KCNN2: variants seen among roughly 807,000 people sequenced by gnomAD.
The protein encoded by KCNN2 is potassium calcium-activated channel subfamily N member 2.
A neutral mutation model predicts 55.5 loss-of-function variants in KCNN2; 24 were observed. The ratio of observed to expected loss-of-function variants is 0.43; its 90% CI spans 0.31 to 0.61. KCNN2 has a LOEUF of 0.61. KCNN2 is among the 20% of genes least tolerant of loss of function. The pLI is 0.08. For missense variants in KCNN2, 754 were observed against 853.6 expected, an observed-to-expected ratio of 0.88 and a Z score of 1.45; for synonymous variants, 431 against 336.1, an observed-to-expected ratio of 1.28 and a Z score of -3.09.
At chr5:114,364,452 A>C (rs960627929) in intron 2 of KCNN2, among the ~76,000 whole-genome samples, 1 of 152,162 alleles carries the variant, frequency 6.6e-6, no homozygotes, top group Non-Finnish European at 1.5e-5. Context: ...ATGAGTTGCC[A>C]GCTAATTTAT....
At chr5:114,312,242 C>T (rs959655961) in intron 2 of KCNN2, among the ~76,000 whole-genome samples, 1 of 151,558 alleles carries the variant, frequency 6.6e-6, no homozygotes, top group Admixed American at 6.6e-5. Flanking sequence ...CTTCCTGCTG[C>T]TGGCTTTTTG....
At chr5:114,227,641 T>C (rs1240823239) in intron 2 of KCNN2, among the ~76,000 whole-genome samples, 2 of 152,322 alleles carry the variant, frequency 1.3e-5, no homozygotes, top group East Asian at 1.9e-4. Context: ...ATAAGTACCT[T>C]AATGCTTTTC....
intron 2 of KCNN2, among the ~76,000 whole-genome samples, chr5:114,315,330 T>C (rs1756479485): frequency 6.6e-6 from 1 of 152,116 alleles, no homozygotes; most frequent in Non-Finnish European, 1.5e-5. Context: ...GTATTTATTT[T>C]ATAGAGATAC....
intron 2 of KCNN2, among the ~76,000 whole-genome samples, chr5:114,322,022 C>T (rs780379129): frequency 2.0e-5 from 3 of 152,130 alleles, no homozygotes; most frequent in African/African-American, 7.2e-5. Context: ...GAATTTATTA[C>T]CCAGTTTCCT....
intron 2 of KCNN2, among the ~76,000 whole-genome samples, chr5:114,382,711 T>C (rs1199375909): frequency 6.6e-6 from 1 of 152,168 alleles, no homozygotes; most frequent in Non-Finnish European, 1.5e-5. Flanking sequence ...CATTTTCCCA[T>C]TTGTGCCACA....
chr5:114,122,897 TAGA>T (rs757789918), intron 1 of KCNN2, among the ~76,000 whole-genome samples: 3 of 152,170 alleles, frequency 2.0e-5, no homozygotes, highest in Non-Finnish European at 4.4e-5. Flanking sequence ...TTCTTGTAAG[TAGA>T]AGAAGAACAC....
At chr5:114,137,168 C>T (rs1006784813) in intron 1 of KCNN2, among the ~76,000 whole-genome samples, 28 of 152,092 alleles carry the variant, frequency 1.8e-4, no homozygotes, top group African/African-American at 6.8e-4. Context: ...TAATCATTGG[C>T]TCTTTTGTTA....
At chr5:114,388,665 G>A (rs1580779953) in intron 2 of KCNN2, among the ~76,000 whole-genome samples, 1 of 152,042 alleles carries the variant, frequency 6.6e-6, no homozygotes, top group African/African-American at 2.4e-5. Flanking sequence ...GCACTCCTTA[G>A]CAGTCACTTC....
chr5:114,218,170 T>C (rs1353099024), intron 1 of KCNN2, among the ~76,000 whole-genome samples: 1 of 152,214 alleles, frequency 6.6e-6, no homozygotes, highest in Non-Finnish European at 1.5e-5. Context: ...TGGAAGACAG[T>C]TTACTGGCTT....
intron 1 of KCNN2, among the ~76,000 whole-genome samples, chr5:114,160,790 G>A (rs1293496686): frequency 6.7e-6 from 1 of 149,780 alleles, no homozygotes; most frequent in African/African-American, 2.5e-5. Context: ...ATCTTTGTTG[G>A]TTTAAAGTCT....
intron 6 of KCNN2, 200 bp from the exon 7 acceptor site, chr5:114,493,203 T>C (rs939416641): frequency 6.0e-6 from 4 of 663,202 alleles, no homozygotes; most frequent in Admixed American, 2.1e-5. Flanking sequence ...TTGCTCTCAC[T>C]CTCTCCTTTC....
intron 2 of KCNN2, among the ~76,000 whole-genome samples, chr5:114,269,690 A>G (rs1174383273): frequency 6.6e-6 from 1 of 152,158 alleles, no homozygotes; most frequent in Non-Finnish European, 1.5e-5. Flanking sequence ...GATCCGGTTG[A>G]CTGTAAGAAT....
At chr5:114,443,619 C>T (rs1362974369) in intron 3 of KCNN2, among the ~76,000 whole-genome samples, 7 of 152,214 alleles carry the variant, frequency 4.6e-5, no homozygotes. Context: ...GTGGATTTTA[C>T]TAAAATTATT....
chr5:114,083,660 T>TA (rs1750950678), intron 1 of KCNN2, among the ~76,000 whole-genome samples: 1 of 152,140 alleles, frequency 6.6e-6, no homozygotes, highest in Non-Finnish European at 1.5e-5. Flanking sequence ...AGTGGTTTGT[T>TA]ACAATTTATG....
At chr5:114,299,969 A>C (rs1477202691) in intron 2 of KCNN2, among the ~76,000 whole-genome samples, 1 of 152,008 alleles carries the variant, frequency 6.6e-6, no homozygotes, top group Non-Finnish European at 1.5e-5. Flanking sequence ...TCCAACCTGG[A>C]AAAGAGACTT....
At chr5:114,134,334 CTT>C (rs11443815) in intron 1 of KCNN2, among the ~76,000 whole-genome samples, 8 of 147,816 alleles carry the variant, frequency 5.4e-5, no homozygotes, top group African/African-American at 7.5e-5. Flanking sequence ...ATTTAGAAAA[CTT>C]TTTTTTTTCT....
At chr5:114,437,029 ATGTGTGTGTGTTTG>A (rs527326316) in intron 3 of KCNN2, among the ~76,000 whole-genome samples, 31 of 151,802 alleles carry the variant, frequency 2.0e-4, no homozygotes, top group Non-Finnish European at 2.8e-4. Context: ...TATCTATAAA[ATGTGTGTGTGTTTG>A]TGTGTGTGTG....
intron 1 of KCNN2, among the ~76,000 whole-genome samples, chr5:114,070,862 T>C (rs755660074): frequency 6.6e-6 from 1 of 152,226 alleles, no homozygotes; most frequent in Non-Finnish European, 1.5e-5. Flanking sequence ...GAAATTATAC[T>C]TTTTTCTTAC....
chr5:114,147,718 C>T (rs1752427533), intron 1 of KCNN2, among the ~76,000 whole-genome samples: 1 of 152,070 alleles, frequency 6.6e-6, no homozygotes, highest in Admixed American at 6.6e-5. Context: ...AGTAGGGATG[C>T]CTAGGATTGG....
Sources: allele counts gnomAD v4.1 joint callset (sites outside exome capture counted in the v4.1 genomes callset), GRCh38; gene constraint gnomAD v4.1.1; transcripts MANE v1.5; gene names NCBI Gene and HGNC (gene_info 2026-07-23, HGNC 2026-07-21).